The following DTNA variants were observed in gnomAD, a reference collection of about 807,000 sequenced individuals.
DTNA encodes the protein dystrobrevin alpha.
DTNA carries 43 observed loss-of-function variants against 100.7 expected under a neutral mutation model. The observed-to-expected ratio is 0.43, with a 90% CI of 0.33 to 0.55. The LOEUF is 0.55. Among genes scored for constraint, DTNA ranks in the 20% least tolerant of loss-of-function variants. The pLI, the probability that DTNA is intolerant of heterozygous loss-of-function variation, is 0.04. For synonymous variants in DTNA, 349 were observed against 347.9 expected, an observed-to-expected ratio of 1.00 and a Z score of -0.04; for missense variants, 798 against 953.9, an observed-to-expected ratio of 0.84 and a Z score of 2.15.
At chr18:34,662,830 C>T (rs1240459531) in intron 1 of DTNA, 1 of 152,194 alleles carries the variant, frequency 6.6e-6, no homozygotes, top group African/African-American at 2.4e-5. Context: ...TCTCAACAAC[C>T]TTAATATATG....
intron 18 of DTNA, 63 bp from the exon 19 acceptor site, chr18:34,877,656 C>A: frequency 6.9e-7 from 1 of 1,452,462 alleles, no homozygotes; most frequent in Non-Finnish European, 9.5e-7. Flanking sequence ...GATAAATAAA[C>A]AACATAAAAA....
intron 1 of DTNA, among the ~76,000 whole-genome samples, chr18:34,588,615 A>T (rs2049371447): frequency 6.6e-6 from 1 of 152,060 alleles, no homozygotes; most frequent in African/African-American, 2.4e-5. Context: ...AGAACTAGAG[A>T]TGCCTCTTCA....
At chr18:34,635,719 T>C (rs185676274) in intron 1 of DTNA, among the ~76,000 whole-genome samples, 48 of 152,300 alleles carry the variant, frequency 3.2e-4, no homozygotes, top group Non-Finnish European at 1.8e-4. Flanking sequence ...TTTGTTAATA[T>C]AACCATTGAT....
chr18:34,524,900 T>C (rs1306774798), intron 1 of DTNA, among the ~76,000 whole-genome samples: 1 of 152,060 alleles, frequency 6.6e-6, no homozygotes, highest in Non-Finnish European at 1.5e-5. Context: ...TGAAAGCAAG[T>C]GAGTTTGGGG....
intron 4 of DTNA, among the ~76,000 whole-genome samples, chr18:34,796,655 C>T (rs1393166981): frequency 6.6e-6 from 1 of 152,028 alleles, no homozygotes; most frequent in Non-Finnish European, 1.5e-5. Context: ...GCCTTAAGAA[C>T]CTAGACTCTG....
upstream of DTNA, chr18:34,708,220 T>A (rs1226310756): frequency 1.3e-5 from 2 of 152,196 alleles, no homozygotes; most frequent in African/African-American, 2.4e-5. Flanking sequence ...GCTAAAAGTC[T>A]ACACTGGTGA....
intron 2 of DTNA, among the ~76,000 whole-genome samples, chr18:34,760,859 C>A (rs147538189): frequency 6.6e-6 from 1 of 152,184 alleles, no homozygotes; most frequent in Non-Finnish European, 1.5e-5. Context: ...CTGGAATATA[C>A]TAAAGCTCTA....
chr18:34,874,487 G>A (rs2150315191), intron 17 of DTNA, among the ~76,000 whole-genome samples: 1 of 152,310 alleles, frequency 6.6e-6, no homozygotes, highest in African/African-American at 2.4e-5. Flanking sequence ...GTAGTGCAAA[G>A]ATAAGTTCCT....
intron 1 of DTNA, among the ~76,000 whole-genome samples, chr18:34,554,301 A>G (rs1283533906): frequency 2.8e-5 from 4 of 142,056 alleles, no homozygotes; most frequent in Non-Finnish European, 6.1e-5. Flanking sequence ...TTCTAGATAT[A>G]CAATCATGTC....
chr18:34,540,976 C>G (rs528689300), intron 1 of DTNA, among the ~76,000 whole-genome samples: 1 of 151,968 alleles, frequency 6.6e-6, no homozygotes, highest in Non-Finnish European at 1.5e-5. Flanking sequence ...ACCTAAGGAC[C>G]TGTTAAGCCA....
intron 1 of DTNA, among the ~76,000 whole-genome samples, chr18:34,563,819 T>A (rs2046848824): frequency 6.6e-6 from 1 of 152,204 alleles, no homozygotes; most frequent in Non-Finnish European, 1.5e-5. Context: ...GAAATTCCCC[T>A]GTTTTTCAAA....
intron 3 of DTNA, among the ~76,000 whole-genome samples, chr18:34,792,090 G>GTTTT (rs199767364): frequency 1.1e-4 from 4 of 35,808 alleles, no homozygotes; most frequent in African/African-American, 2.7e-4. Context: ...TATGTAACCT[G>GTTTT]TTGTTTTTTT....
At chr18:34,699,160 C>T (rs551414061) in intron 1 of DTNA, among the ~76,000 whole-genome samples, 111 of 132,730 alleles carry the variant, frequency 8.4e-4, no homozygotes, top group Non-Finnish European at 1.5e-3. Context: ...CTCACATGTG[C>T]ACACACACAC....
intron 1 of DTNA, among the ~76,000 whole-genome samples, chr18:34,715,866 G>T (rs1433379223): frequency 6.6e-6 from 1 of 152,136 alleles, no homozygotes; most frequent in African/African-American, 2.4e-5. Flanking sequence ...GTAAGAAAAA[G>T]CACTTCCCTT....
intron 3 of DTNA, among the ~76,000 whole-genome samples, chr18:34,788,430 C>T (rs1004644769): frequency 6.6e-6 from 1 of 152,042 alleles, no homozygotes; most frequent in African/African-American, 2.4e-5. Context: ...CCCCCCAAAA[C>T]AACAATGTAG....
intron 1 of DTNA, among the ~76,000 whole-genome samples, chr18:34,511,709 G>C (rs2041111146): frequency 6.6e-6 from 1 of 152,156 alleles, no homozygotes; most frequent in South Asian, 2.1e-4. Context: ...CTCCAGAACT[G>C]TGATTAAGTG....
upstream of DTNA, among the ~76,000 whole-genome samples, chr18:34,705,530 A>G (rs947299194): frequency 6.6e-6 from 1 of 152,226 alleles, no homozygotes; most frequent in Non-Finnish European, 1.5e-5. Context: ...GAGTAATTTC[A>G]TGCTGGAACT....
intron 1 of DTNA, among the ~76,000 whole-genome samples, chr18:34,710,891 CA>C (rs2082773612): frequency 6.6e-6 from 1 of 152,010 alleles, no homozygotes; most frequent in East Asian, 1.9e-4. Flanking sequence ...AGCAGTAGGA[CA>C]AAGTTTTCCA....
In DTNA at chr18:34,827,723, G is replaced by T. The variant is rs757551662; in HGVS notation, c.1085+47G>T. On this transcript the variant is annotated intron_variant, in intron 10 of 22. Coordinates refer to ENST00000444659, the MANE Select transcript of DTNA (RefSeq NM_001386795.1). The stretch of plus-strand genomic sequence containing the variant: ...AAATAAGCCCTTTCTTTGGTAATGA[G>T]CCTTGATTCTGTGGTAAGAAAAATA... The T allele has an allele frequency of 3.2e-6, 5 of 1,568,004 alleles. No homozygotes were observed. The Admixed American group carries it at 6.7e-5, about 21-fold the overall frequency.
Sources: allele counts gnomAD v4.1 joint callset (sites outside exome capture counted in the v4.1 genomes callset), GRCh38; gene constraint gnomAD v4.1.1; transcripts MANE v1.5; gene names NCBI Gene and HGNC (gene_info 2026-07-23, HGNC 2026-07-21).